Variants in AURKA observed in about 807,000 individuals in gnomAD.
AURKA encodes the protein aurora kinase A.
In AURKA, 12 loss-of-function variants were observed where a neutral mutation model predicts 40.9. The observed-to-expected ratio is 0.29, with a 90% CI of 0.19 to 0.48. The LOEUF (loss-of-function observed/expected upper bound fraction) is 0.48, where lower values mean the gene tolerates loss of function less well. Among genes scored for constraint, AURKA ranks in the 20% least tolerant of loss-of-function variants. The pLI is 0.99. For synonymous variants in AURKA, 170 were observed against 164.3 expected (o/e 1.03, Z -0.26); for missense variants, 322 against 462.1 (o/e 0.70, Z 2.78).
In AURKA at chr20:56,381,432, C is replaced by A; in HGVS notation, c.705+1G>T. 6.2e-7 allele frequency: 1 copy of A among 1,612,516 alleles called. No individual in the cohort carries two copies. The highest frequency in any genetic ancestry group is 1.1e-5 in the South Asian group (1 of 90,994). ...AGCCTGGACAATAAATGAACACTTA[C>A]AGTAGCAGTTCTCTGCTCATCAAAC... On this transcript the variant is annotated splice_donor_variant, in intron 6 of 8. Coordinates refer to ENST00000395915, the MANE Select transcript of AURKA (RefSeq NM_198437.3). LOFTEE classifies it high-confidence loss of function.
chr20:56,386,208 C>T (rs776745249), intron 3 of AURKA, 49 bp downstream of exon 3: 10 of 1,611,562 alleles, frequency 6.2e-6, no homozygotes, highest in Non-Finnish European at 6.8e-6. Flanking sequence ...GCTTTTTTAG[C>T]AACGACGACA....
At chr20:56,377,011 T>C (rs1051817153) in intron 6 of AURKA, among the ~76,000 whole-genome samples, 2 of 150,724 alleles carry the variant, frequency 1.3e-5, no homozygotes, top group African/African-American at 2.5e-5. Context: ...ACACAGGAGG[T>C]AGAAGTTGCA....
Position 56,370,024 on chromosome 20 carries a change from T to C in AURKA, c.*134A>G. 1 of 1,155,850 alleles carries C rather than the reference T, an allele frequency of 8.7e-7. No individual in the cohort carries two copies. 71.6% of individuals were successfully genotyped at this position (1,155,850 alleles called of 1,614,324 possible). A position where few individuals can be genotyped will look rare whatever the true frequency, so the allele number is the denominator to read the frequency against. On this transcript the variant is annotated 3_prime_UTR_variant, in exon 9 of 9. Coordinates refer to ENST00000395915, the MANE Select transcript of AURKA (RefSeq NM_198437.3). ...AATAGGGAGGTTAAGGCACACCTGC[T>C]GAGTAAAACAAATATTTCTTGTGTA... is the stretch of plus-strand genomic sequence containing the variant.
Position 56,383,128 on chromosome 20 carries a change from T to C in AURKA, c.423A>G (p.Lys141=). 1 of 1,614,204 alleles carries C rather than the reference T, an allele frequency of 6.2e-7. No homozygotes were observed. The highest frequency in any genetic ancestry group is 8.5e-7 in the Non-Finnish European group (1 of 1,180,034). ...CCAAATAAACATTACCAAACTTTCC[T>C]TTACCCAGAGGGCGACCAATTTCAA... ...EDFEIGRPLG[K]GKFGNVYLAR... The change falls in exon 5 of 9, where the codon AAA becomes AAG. Residue 141 remains lysine (K), a synonymous_variant. Transcript: ENST00000395915.
At chr20:56,391,907 C>G (rs1987187388) in intron 1 of AURKA, 1 of 151,532 alleles carries the variant, frequency 6.6e-6, no homozygotes, top group South Asian at 2.1e-4. Context: ...CCACCCCTCC[C>G]GCGCATGTCA....
intron 2 of AURKA, among the ~76,000 whole-genome samples, chr20:56,387,192 C>T (rs920942726): frequency 2.0e-5 from 3 of 152,140 alleles, no homozygotes; most frequent in African/African-American, 7.2e-5. Flanking sequence ...CTTGCTCTGT[C>T]ACCCAGACTG....
intron 7 of AURKA, 104 bp from the exon 8 acceptor site, chr20:56,370,763 G>C: frequency 7.9e-7 from 1 of 1,260,140 alleles, no homozygotes; most frequent in Non-Finnish European, 1.1e-6. Context: ...CTTCCCCTGG[G>C]CCAGATCCTG....
At chr20:56,371,217 C>T (rs1199854269) in intron 7 of AURKA, among the ~76,000 whole-genome samples, 2 of 152,120 alleles carry the variant, frequency 1.3e-5, no homozygotes, top group Non-Finnish European at 2.9e-5. Flanking sequence ...AATGCCAGCA[C>T]TTTGGGAGGC....
chr20:56,370,634 C>A lies in AURKA; in HGVS notation c.880G>T (p.Asp294Tyr), dbSNP rs779238744. ...TCAATCATTTCAGGGGGCAGGTAGTCCAGGGTGCCACAGAGAGTGGTCCTC... is the reference window on the plus strand; with the variant it reads ...TCAATCATTTCAGGGGGCAGGTAGTACAGGGTGCCACAGAGAGTGGTCCTC... ...SRRTTLCGTLDYLPPEMIEGR... is the reference protein window; with the variant it reads ...SRRTTLCGTLYYLPPEMIEGR... The change falls in exon 8 of 9, where the codon GAC becomes TAC. Residue 294 changes from aspartate (D) to tyrosine (Y), a missense_variant. By Grantham distance (160) the Asp-to-Tyr change is radical (BLOSUM62 -3). Transcript: ENST00000395915. 3 of 1,614,042 alleles carry A rather than the reference C, an allele frequency of 1.9e-6. No individual in the cohort carries two copies. The Admixed American group carries it at 5.0e-5, about 27-fold the overall frequency.
intron 5 of AURKA, 74 bp from the exon 6 acceptor site, chr20:56,381,645 C>T (rs1985726415): frequency 1.9e-6 from 3 of 1,582,918 alleles, no homozygotes; most frequent in African/African-American, 2.7e-5. Context: ...GTCAAACAAA[C>T]TCTTCATGTA....
Position 56,373,305 on chromosome 20 carries a change from C to G in AURKA, c.854+103G>C. The G allele has an allele frequency of 6.4e-7, 1 of 1,559,170 alleles. No individual in the cohort carries two copies. The highest frequency in any genetic ancestry group is 1.1e-5 in the South Asian group (1 of 89,352). On this transcript the variant is annotated intron_variant, in intron 7 of 8. Coordinates refer to ENST00000395915, the MANE Select transcript of AURKA (RefSeq NM_198437.3). This position sits in a 1 kb window ranked among gnomAD's most constrained non-coding sequence, Gnocchi z 5.0. ...GTACTTCTGGGTTAGCCACCTACCC[C>G]TCTTACAGCACAAAATCTACACTGA...
At chr20:56,388,105 C>T in intron 2 of AURKA, 51 bp downstream of exon 2, 1 of 1,601,428 alleles carries the variant, frequency 6.2e-7, no homozygotes, top group South Asian at 1.1e-5. Context: ...ACAAGACCAA[C>T]CTCCATGTGG....
At chr20:56,386,182 G>C (rs1019416708) in intron 3 of AURKA, 75 bp downstream of exon 3, 3 of 1,570,062 alleles carry the variant, frequency 1.9e-6, no homozygotes, top group Non-Finnish European at 2.6e-6. Context: ...AACAATAAGT[G>C]CAAGTATATA....
intron 5 of AURKA, among the ~76,000 whole-genome samples, chr20:56,382,236 A>G (rs1985810474): frequency 2.0e-5 from 3 of 152,170 alleles, no homozygotes; most frequent in Admixed American, 2.0e-4. Flanking sequence ...TGTGACAGAT[A>G]AAAGCAGTGA....
rs901856033 is a variant in AURKA, at chr20:56,370,095, T to G, written c.*63A>C. ...CAGTCAATGGTAAAATAAACTTCAG[T>G]AGCATGTTCCTGTCAGGTTATATGG... On this transcript the variant is annotated 3_prime_UTR_variant, in exon 9 of 9. Transcript: ENST00000395915. 1.9e-6 allele frequency: 3 copies of G among 1,582,468 alleles called. No individual in the cohort carries two copies. The highest frequency in any genetic ancestry group is 2.6e-6 in the Non-Finnish European group (3 of 1,153,202).
intron 6 of AURKA, among the ~76,000 whole-genome samples, 172 bp downstream of exon 6, chr20:56,381,261 T>C (rs1374607755): frequency 6.6e-6 from 1 of 152,232 alleles, no homozygotes; most frequent in Non-Finnish European, 1.5e-5. Flanking sequence ...TTCTAGACTT[T>C]ATCTGTACAT....
At chr20:56,390,077 A>G (rs1360993407) in intron 1 of AURKA, among the ~76,000 whole-genome samples, 1 of 152,124 alleles carries the variant, frequency 6.6e-6, no homozygotes, top group Non-Finnish European at 1.5e-5. Flanking sequence ...TCCCAACTCA[A>G]TCAAAACAAT....
chr20:56,384,703 G>A (rs1166592939), intron 3 of AURKA, among the ~76,000 whole-genome samples: 2 of 152,078 alleles, frequency 1.3e-5, no homozygotes, highest in Admixed American at 1.3e-4. Flanking sequence ...CTTACTAGGT[G>A]GGCCAGCCAA....
intron 1 of AURKA, among the ~76,000 whole-genome samples, chr20:56,389,511 C>A (rs561497607): frequency 6.6e-6 from 1 of 152,132 alleles, no homozygotes; most frequent in Non-Finnish European, 1.5e-5. Flanking sequence ...ACTCCCTAGC[C>A]GAGTACATCC....
Sources: gnomAD v4.1 joint callset for allele counts (sites outside exome capture counted in the v4.1 genomes callset) on GRCh38, gnomAD v4.1.1 for gene constraint, Gnocchi (gnomAD v3.1) non-coding constraint, MANE v1.5 for transcripts, NCBI Gene and HGNC (gene_info 2026-07-23, HGNC 2026-07-21) for gene names.